CAPS2: variants seen among roughly 807,000 people sequenced by gnomAD.
CAPS2 encodes calcyphosin-2.
In CAPS2, 98 loss-of-function variants were observed where a neutral mutation model predicts 86.5. The observed-to-expected ratio is 1.13, with a 90% CI of 0.96 to 1.34. The LOEUF is 1.34. Ranked by LOEUF, CAPS2 falls within the 40% of genes most tolerant of loss-of-function variation. CAPS2 has a pLI of 0.00. For missense variants in CAPS2, 729 were observed against 686.8 expected (o/e 1.06, Z -0.69); for synonymous variants, 210 against 225.1 (o/e 0.93, Z 0.60).
intron 7 of CAPS2, among the ~76,000 whole-genome samples, chr12:75,309,347 C>T (rs1462838030): frequency 2.0e-5 from 3 of 152,230 alleles, no homozygotes; most frequent in Non-Finnish European, 2.9e-5. Context: ...CTGCGTGTGT[C>T]TCGTCCAGTT....
intron 1 of CAPS2, among the ~76,000 whole-genome samples, chr12:75,364,280 C>T (rs763044234): frequency 9.0e-4 from 137 of 152,294 alleles, no homozygotes; most frequent in Non-Finnish European, 1.7e-3. Flanking sequence ...CTTTGGAATG[C>T]ACCTTGCCAA....
At chr12:75,353,044 G>A (rs1001461702) in intron 1 of CAPS2, among the ~76,000 whole-genome samples, 6 of 152,020 alleles carry the variant, frequency 3.9e-5, no homozygotes, top group African/African-American at 1.4e-4. Flanking sequence ...CAAAAAGCTA[G>A]AAAGATCCCA....
At chr12:75,350,147 C>A (rs1473787548) in intron 1 of CAPS2, among the ~76,000 whole-genome samples, 1 of 152,212 alleles carries the variant, frequency 6.6e-6, no homozygotes, top group African/African-American at 2.4e-5. Flanking sequence ...CTTCTTTAAG[C>A]GAGACCCTGA....
intron 1 of CAPS2, among the ~76,000 whole-genome samples, chr12:75,369,201 AT>A (rs1194946280): frequency 6.6e-6 from 1 of 151,946 alleles, no homozygotes; most frequent in Non-Finnish European, 1.5e-5. Context: ...TCAAAAAGTA[AT>A]TTTTCAATAC....
intron 1 of CAPS2, among the ~76,000 whole-genome samples, chr12:75,387,857 G>C (rs987407404): frequency 6.6e-6 from 1 of 152,062 alleles, no homozygotes; most frequent in Non-Finnish European, 1.5e-5. Flanking sequence ...ATTTTGAAAG[G>C]GACAAATATC....
At chr12:75,356,551 C>T (rs571430499) in intron 1 of CAPS2, among the ~76,000 whole-genome samples, 179 of 151,848 alleles carry the variant, frequency 1.2e-3, no homozygotes, top group Middle Eastern at 0.01. Context: ...AAAGAGTAAT[C>T]GCAAATAAGC....
At chr12:75,278,951 C>T in exon 17 of CAPS2, 1 of 1,610,168 alleles carries the variant, frequency 6.2e-7, no homozygotes, top group Admixed American at 1.7e-5. Context: ...TATTCCTATA[C>T]TTAAACCTTC....
At chr12:75,282,966 A>C (rs377088585) in intron 15 of CAPS2, among the ~76,000 whole-genome samples, 117 of 152,276 alleles carry the variant, frequency 7.7e-4, no homozygotes, top group Middle Eastern at 3.4e-3. Flanking sequence ...GAGATGGGTA[A>C]AAGACCTCTC....
intron 1 of CAPS2, among the ~76,000 whole-genome samples, chr12:75,390,033 T>C (rs1301512887): frequency 6.6e-6 from 1 of 152,256 alleles, no homozygotes; most frequent in Non-Finnish European, 1.5e-5. Context: ...TTTTTATAAA[T>C]GTTTGGCTAA....
At chr12:75,306,941 A>T (rs1238445013) in intron 7 of CAPS2, among the ~76,000 whole-genome samples, 2 of 152,112 alleles carry the variant, frequency 1.3e-5, no homozygotes, top group East Asian at 3.9e-4. Flanking sequence ...TCCAAAAAAA[A>T]AATTGACTAC....
intron 6 of CAPS2, among the ~76,000 whole-genome samples, chr12:75,315,269 C>A (rs2039639134): frequency 6.6e-6 from 1 of 152,094 alleles, no homozygotes; most frequent in Non-Finnish European, 1.5e-5. Flanking sequence ...TTGCAATACC[C>A]ATTTCAAATA....
intron 1 of CAPS2, among the ~76,000 whole-genome samples, chr12:75,351,787 T>C: frequency 6.6e-6 from 1 of 152,188 alleles, no homozygotes; most frequent in Non-Finnish European, 1.5e-5. Context: ...CCTCAGGTGA[T>C]CCACCCTCCT....
At chr12:75,326,119 T>C (rs1305336680) in intron 1 of CAPS2, among the ~76,000 whole-genome samples, 1 of 152,176 alleles carries the variant, frequency 6.6e-6, no homozygotes, top group African/African-American at 2.4e-5. Context: ...TTTGTGATAT[T>C]AGTAGCAACC....
upstream of CAPS2, chr12:75,334,893 G>A (rs2041613081): frequency 6.2e-7 from 1 of 1,613,722 alleles, no homozygotes; most frequent in African/African-American, 1.3e-5. Flanking sequence ...CGGCCGACAT[G>A]AAATACATGG....
chr12:75,345,335 T>C (rs2042380724), intron 1 of CAPS2, among the ~76,000 whole-genome samples: 1 of 152,130 alleles, frequency 6.6e-6, no homozygotes, highest in Admixed American at 6.5e-5. Context: ...TTACTTCCTA[T>C]AATTTTCTCA....
downstream of CAPS2, chr12:75,276,164 T>C (rs889384812): frequency 7.9e-6 from 12 of 1,513,694 alleles, no homozygotes; most frequent in Middle Eastern, 1.7e-4. Flanking sequence ...TGGCTTATTT[T>C]ATATATGCCC....
At chr12:75,332,473 C>T (rs1186231500), upstream of CAPS2, among the ~76,000 whole-genome samples, 1 of 152,062 alleles carries the variant, frequency 6.6e-6, no homozygotes, top group Non-Finnish European at 1.5e-5. Context: ...CACTGAACAC[C>T]TTCTATCTTC....
downstream of CAPS2, chr12:75,276,447 T>C (rs2032946489): frequency 5.1e-6 from 5 of 980,400 alleles, no homozygotes; most frequent in Middle Eastern, 1.0e-3. Context: ...TACAGCTGTA[T>C]CAAGATTATT....
chr12:75,351,284 T>G (rs760933813), intron 1 of CAPS2, among the ~76,000 whole-genome samples: 15 of 152,140 alleles, frequency 9.9e-5, no homozygotes, highest in Non-Finnish European at 1.9e-4. Context: ...CCAGGAGAAC[T>G]TCCTCAACCT....
Sources: gnomAD v4.1 joint callset for allele counts (sites outside exome capture counted in the v4.1 genomes callset) on GRCh38, gnomAD v4.1.1 for gene constraint, MANE v1.5 for transcripts, NCBI Gene and HGNC (gene_info 2026-07-23, HGNC 2026-07-21) for gene names.